Variants in SPATA17 observed in about 807,000 individuals in gnomAD.
SPATA17 encodes the protein spermatogenesis associated 17, also known as spermatogenesis-associated protein 17.
SPATA17 carries 53 observed loss-of-function variants against 62.2 expected under a neutral mutation model. That is an observed-to-expected ratio of 0.85 (90% confidence interval 0.68 to 1.07). The LOEUF is 1.07. Among genes scored for constraint, SPATA17 ranks in the 50% least tolerant of loss-of-function variants. The probability of loss-of-function intolerance (pLI) is 0.00; values close to 1 mark genes in which losing one functional copy is unlikely to be tolerated. For missense variants in SPATA17, 466 were observed against 425.5 expected (o/e 1.10, Z -0.84); for synonymous variants, 146 against 146.8 (o/e 0.99, Z 0.04).
chr1:217,667,959 C>A (rs1173766411), intron 3 of SPATA17, among the ~76,000 whole-genome samples: 1 of 152,226 alleles, frequency 6.6e-6, no homozygotes, highest in African/African-American at 2.4e-5. Context: ...CTGCTGCTCT[C>A]CACAGACAAT....
rs536008067 is a variant in SPATA17 at position 217,742,201 on chromosome 1, T to C, written c.519+103T>C. The stretch of plus-strand genomic sequence containing the variant: ...TGGGACATGACTTGTTGAAAAGATA[T>C]CACAAAGACACTACTTCGAGTTCAA... On this transcript the variant is annotated intron_variant, in intron 6 of 10. Transcript: ENST00000366933. 7.5e-5 allele frequency: 106 copies of C among 1,412,178 alleles called. No homozygotes were observed. In the East Asian group the frequency reaches 2.3e-3, roughly 30 times the overall value. The allele number at this position is 1,412,178 out of a possible 1,614,324, so 87.5% of individuals were successfully genotyped here. A position where few individuals can be genotyped will look rare whatever the true frequency, so the allele number is the denominator to read the frequency against.
In SPATA17 at chr1:217,650,363, AGAG is replaced by A. The variant is rs146019332; in HGVS notation, c.159-730_159-728del. 5.7e-3 allele frequency among the ~76,000 whole-genome samples: 863 copies of A among 152,300 alleles called. 5 individuals carry two copies. Among genetic ancestry groups the A allele is most frequent in the Non-Finnish European group, 9.6e-3 (650 of 68,032 alleles). ...ACTGAGGATTACAGGAAAAGAATGA[AGAG>A]GAGAACTATTTCTTAACCTCATGAA... is the stretch of plus-strand genomic sequence containing the variant. On this transcript the variant is annotated intron_variant, in intron 2 of 10. Coordinates refer to ENST00000366933, the MANE Select transcript of SPATA17 (RefSeq NM_138796.4).
chr1:217,802,749 C>T (rs756624623), intron 9 of SPATA17, among the ~76,000 whole-genome samples: 1 of 152,170 alleles, frequency 6.6e-6, no homozygotes, highest in African/African-American at 2.4e-5. Flanking sequence ...TAGGGAAACA[C>T]AATTCAGTTC....
Position 217,780,887 on chromosome 1 carries a change from T to C in SPATA17, c.724-1287T>C, listed in dbSNP as rs555176835. On this transcript the variant is annotated intron_variant, in intron 7 of 10. Coordinates refer to ENST00000366933, the MANE Select transcript of SPATA17 (RefSeq NM_138796.4). Reference sequence around the variant, plus strand: ...CGGCATAGAGAAATACTTTGCTCCTTGTCATAAAACCAAATATTAATTTTT... The same window carrying C: ...CGGCATAGAGAAATACTTTGCTCCTCGTCATAAAACCAAATATTAATTTTT... Among the ~76,000 whole-genome samples the C allele has an allele frequency of 1.5e-3, 227 of 152,220 alleles. 1 individual carries two copies. The highest frequency in any genetic ancestry group is 5.3e-3 in the African/African-American group (220 of 41,544).
chr1:217,684,034 C>A lies in SPATA17; in HGVS notation c.395+673C>A, dbSNP rs1309499221. Among the ~76,000 whole-genome samples the A allele has an allele frequency of 3.3e-5, 5 of 152,028 alleles. No individual in the cohort carries two copies. The East Asian group carries it at 9.7e-4, about 29-fold the overall frequency. The stretch of plus-strand genomic sequence containing the variant: ...CTCAGATGCATTTGAGAAACATGTT[C>A]CATAGCAAGAACTTGCCTCTCCTAG... On this transcript the variant is annotated intron_variant, in intron 5 of 10. Transcript: ENST00000366933.
intron 5 of SPATA17, among the ~76,000 whole-genome samples, chr1:217,734,659 TAAGAAA>T (rs1434298676): frequency 6.6e-6 from 1 of 152,224 alleles, no homozygotes; most frequent in Admixed American, 6.5e-5. Flanking sequence ...TGTTTTTATT[TAAGAAA>T]TCTATGTAGT....
chr1:217,744,269 C>T lies in SPATA17; in HGVS notation c.519+2171C>T, dbSNP rs1218242789. 7.9e-5 allele frequency among the ~76,000 whole-genome samples: 4 copies of T among 50,340 alleles called. 1 individual carries two copies. Among genetic ancestry groups the T allele is most frequent in the African/African-American group, 1.9e-4 (4 of 21,180 alleles). The allele number at this position is 50,340 out of a possible 152,430, so 33.0% of individuals were successfully genotyped here. A position where few individuals can be genotyped will look rare whatever the true frequency, so the allele number is the denominator to read the frequency against. On this transcript the variant is annotated intron_variant, in intron 6 of 10. Coordinates refer to ENST00000366933, the MANE Select transcript of SPATA17 (RefSeq NM_138796.4). ...CGAGGTCAAGAGATCGAGACCATCC[C>T]GGCTAAAACGGTGAAACCCCGTCTC...
At chr1:217,688,321 G>C (rs550394262) in intron 5 of SPATA17, among the ~76,000 whole-genome samples, 1 of 152,084 alleles carries the variant, frequency 6.6e-6, no homozygotes, top group South Asian at 2.1e-4. Context: ...ATTTCTGGAG[G>C]CTTCTTTCTA....
At chr1:217,808,811 C>T (rs542083663) in intron 9 of SPATA17, among the ~76,000 whole-genome samples, 3 of 150,586 alleles carry the variant, frequency 2.0e-5, no homozygotes, top group Non-Finnish European at 4.4e-5. Flanking sequence ...GCTGAGATCG[C>T]GCCACTGCAC....
At chr1:217,637,187 A>G (rs192129308) in intron 1 of SPATA17, among the ~76,000 whole-genome samples, 103 of 152,298 alleles carry the variant, frequency 6.8e-4, no homozygotes, top group Admixed American at 3.9e-4. Context: ...TTTCACAAAC[A>G]TTATTTTATT....
chr1:217,808,372 C>CAT (rs1292809270), intron 9 of SPATA17, among the ~76,000 whole-genome samples: 2 of 95,502 alleles, frequency 2.1e-5, no homozygotes, highest in African/African-American at 6.3e-5. Context: ...CACACACACA[C>CAT]ACACACACAC....
Position 217,686,594 on chromosome 1 carries a change from G to A in SPATA17, c.395+3233G>A, listed in dbSNP as rs572298213. The stretch of plus-strand genomic sequence containing the variant: ...TTTTGCTTTCATCTTTAAAAGACGC[G>A]TAATTTCTTTGTTTCACAGATAATA... On this transcript the variant is annotated intron_variant, in intron 5 of 10. Coordinates refer to ENST00000366933, the MANE Select transcript of SPATA17 (RefSeq NM_138796.4). Among the ~76,000 whole-genome samples, 10 of 152,056 alleles carry A rather than the reference G, an allele frequency of 6.6e-5. No homozygotes were observed. The East Asian group carries it at 1.5e-3, about 23-fold the overall frequency.
At chr1:217,863,749 A>T (rs954480556) in intron 10 of SPATA17, among the ~76,000 whole-genome samples, 1 of 152,214 alleles carries the variant, frequency 6.6e-6, no homozygotes, top group South Asian at 2.1e-4. Context: ...AGTGGTTACA[A>T]TTGAAGTGTG....
intron 5 of SPATA17, among the ~76,000 whole-genome samples, chr1:217,740,564 A>G (rs1254452256): frequency 1.3e-5 from 2 of 152,186 alleles, no homozygotes; most frequent in African/African-American, 4.8e-5. Context: ...TTTGGTACAG[A>G]ACAAATTCTC....
At chr1:217,714,883 A>G (rs556849856) in intron 5 of SPATA17, among the ~76,000 whole-genome samples, 2 of 152,194 alleles carry the variant, frequency 1.3e-5, no homozygotes, top group Non-Finnish European at 2.9e-5. Context: ...GGTAGAAAGG[A>G]TTTCTGCATT....
chr1:217,663,405 A>G (rs991247591), intron 3 of SPATA17, among the ~76,000 whole-genome samples: 20 of 151,696 alleles, frequency 1.3e-4, no homozygotes, highest in Non-Finnish European at 2.9e-5. Context: ...AGATCCCGCC[A>G]TTGCACTCCA....
chr1:217,833,155 T>G (rs1164390683), intron 9 of SPATA17, among the ~76,000 whole-genome samples: 1 of 152,100 alleles, frequency 6.6e-6, no homozygotes, highest in Non-Finnish European at 1.5e-5. Flanking sequence ...TTAGTTTTGG[T>G]TTTTAAAAGT....
chr1:217,738,467 C>T (rs1212738105), intron 5 of SPATA17, among the ~76,000 whole-genome samples: 2 of 152,170 alleles, frequency 1.3e-5, no homozygotes, highest in South Asian at 2.1e-4. Context: ...ACTTACATAG[C>T]GCCTTACTGT....
rs1657523683 is a variant in SPATA17, at chr1:217,868,700, GAC to G, written c.*1683_*1684del. 8.7e-6 allele frequency: 1 copy of G among 114,396 alleles called. No homozygotes were observed. Among genetic ancestry groups the G allele is most frequent in the Non-Finnish European group, 1.7e-5 (1 of 59,720 alleles). 7.1% of individuals were successfully genotyped at this position (114,396 alleles called of 1,614,324 possible). A position where few individuals can be genotyped will look rare whatever the true frequency, so the allele number is the denominator to read the frequency against. On this transcript the variant is annotated 3_prime_UTR_variant, in exon 11 of 11. Coordinates refer to ENST00000366933, the MANE Select transcript of SPATA17 (RefSeq NM_138796.4). ...TTTTTTTTTTTTTTTTAATTTCTGA[GAC>G]AGAGTCTCATTCTGTCACCCAGGTT...
Sources: gnomAD v4.1 joint callset for allele counts (sites outside exome capture counted in the v4.1 genomes callset) on GRCh38, gnomAD v4.1.1 for gene constraint, MANE v1.5 for transcripts, NCBI Gene and HGNC (gene_info 2026-07-23, HGNC 2026-07-21) for gene names.